Variants in FSTL5 observed in about 807,000 individuals in gnomAD.
FSTL5 encodes follistatin-related protein 5.
Under a neutral mutation model 89.1 loss-of-function variants are expected in FSTL5, and 62 were observed. The observed-to-expected ratio is 0.70, with a 90% CI of 0.57 to 0.86. The LOEUF is 0.86. Ranked by LOEUF, FSTL5 falls within the 40% of genes least tolerant of loss-of-function variation. FSTL5 has a pLI of 0.00. For synonymous variants in FSTL5, 383 were observed against 346.2 expected, an observed-to-expected ratio of 1.11 and a Z score of -1.18; for missense variants, 1,057 against 1,001.6, an observed-to-expected ratio of 1.06 and a Z score of -0.75.
intron 15 of FSTL5, among the ~76,000 whole-genome samples, chr4:161,440,439 A>G (rs1000897826): frequency 6.6e-6 from 1 of 152,138 alleles, no homozygotes; most frequent in Non-Finnish European, 1.5e-5. Flanking sequence ...AGGTCTGTGC[A>G]TAAATTTTGT....
chr4:161,672,632 C>G (rs1335559285), intron 6 of FSTL5, among the ~76,000 whole-genome samples: 1 of 150,542 alleles, frequency 6.6e-6, no homozygotes, highest in African/African-American at 2.4e-5. Flanking sequence ...ACAAATTATC[C>G]TCTCTTTATT....
intron 6 of FSTL5, among the ~76,000 whole-genome samples, chr4:161,732,254 G>A (rs7695403): frequency 0.16 from 23,754 of 151,758 alleles, 1,876 homozygotes; most frequent in Middle Eastern, 0.23. Context: ...AATACATATG[G>A]GTGTTGAGAA....
intron 15 of FSTL5, among the ~76,000 whole-genome samples, chr4:161,419,309 A>G (rs1269687985): frequency 6.6e-6 from 1 of 152,166 alleles, no homozygotes; most frequent in Non-Finnish European, 1.5e-5. Context: ...CATATTTGCC[A>G]AATAGTTGCA....
chr4:161,850,579 T>C (rs898648018), intron 4 of FSTL5, among the ~76,000 whole-genome samples: 4 of 152,118 alleles, frequency 2.6e-5, no homozygotes, highest in African/African-American at 4.8e-5. Context: ...CCAGACACAT[T>C]TGCATGGCTG....
At chr4:161,682,542 A>C (rs1414037360) in intron 6 of FSTL5, among the ~76,000 whole-genome samples, 2 of 152,104 alleles carry the variant, frequency 1.3e-5, no homozygotes, top group Non-Finnish European at 2.9e-5. Context: ...ACTTTTTGTT[A>C]AAAAAGAAGA....
At chr4:161,917,772 T>C (rs1335089897) in intron 4 of FSTL5, among the ~76,000 whole-genome samples, 4 of 152,274 alleles carry the variant, frequency 2.6e-5, no homozygotes, top group African/African-American at 9.6e-5. Flanking sequence ...AGAAGATGTT[T>C]AGCATTTAGA....
At chr4:161,927,710 T>A (rs906070379) in intron 3 of FSTL5, among the ~76,000 whole-genome samples, 1 of 151,832 alleles carries the variant, frequency 6.6e-6, no homozygotes, top group African/African-American at 2.4e-5. Context: ...TCATTAAAAC[T>A]ATTATTTTCA....
At chr4:161,574,612 G>A (rs967550167) in intron 8 of FSTL5, among the ~76,000 whole-genome samples, 30 of 152,080 alleles carry the variant, frequency 2.0e-4, no homozygotes, top group African/African-American at 6.8e-4. Context: ...AACATACGGT[G>A]TTTGGTTTTC....
At chr4:162,009,156 T>C (rs537897194) in intron 3 of FSTL5, among the ~76,000 whole-genome samples, 331 of 152,188 alleles carry the variant, frequency 2.2e-3, no homozygotes, top group African/African-American at 7.6e-3. Flanking sequence ...CCGAAAGCCT[T>C]GTCCACCTTT....
chr4:161,693,702 G>A (rs182769980), intron 6 of FSTL5, among the ~76,000 whole-genome samples: 3 of 146,620 alleles, frequency 2.0e-5, no homozygotes, highest in East Asian at 2.0e-4. Flanking sequence ...GCAGTGGCGC[G>A]ATCTCAGCTC....
intron 4 of FSTL5, among the ~76,000 whole-genome samples, chr4:161,904,819 A>G (rs745715055): frequency 6.6e-6 from 1 of 151,998 alleles, no homozygotes; most frequent in Non-Finnish European, 1.5e-5. Context: ...ATATCAGTGT[A>G]ACATGAATGC....
chr4:161,608,106 G>T (rs1304680815), intron 7 of FSTL5, among the ~76,000 whole-genome samples: 1 of 152,002 alleles, frequency 6.6e-6, no homozygotes, highest in Non-Finnish European at 1.5e-5. Context: ...TGCCCAATGG[G>T]AATTAAAACA....
At chr4:161,544,327 T>C (rs1252574619) in intron 8 of FSTL5, among the ~76,000 whole-genome samples, 1 of 151,984 alleles carries the variant, frequency 6.6e-6, no homozygotes, top group African/African-American at 2.4e-5. Flanking sequence ...CCATGCAATA[T>C]ATGGAGGAAA....
At chr4:161,931,297 C>T (rs977409676) in intron 3 of FSTL5, among the ~76,000 whole-genome samples, 1 of 151,774 alleles carries the variant, frequency 6.6e-6, no homozygotes. Flanking sequence ...AAGAAAACAA[C>T]AGGAGTCAGG....
intron 4 of FSTL5, among the ~76,000 whole-genome samples, chr4:161,806,931 AAAACCATAGT>A (rs371136645): frequency 3.5e-4 from 53 of 152,234 alleles, no homozygotes; most frequent in African/African-American, 1.2e-3. Flanking sequence ...TAGATAGATG[AAAACCATAGT>A]AGACCTATTA....
At chr4:161,572,765 C>G (rs1402218817) in intron 8 of FSTL5, among the ~76,000 whole-genome samples, 1 of 152,228 alleles carries the variant, frequency 6.6e-6, no homozygotes, top group African/African-American at 2.4e-5. Context: ...AAGATGTCTG[C>G]ATCACTGGGT....
chr4:161,975,408 GA>G (rs1735605569), intron 3 of FSTL5, among the ~76,000 whole-genome samples: 1 of 151,816 alleles, frequency 6.6e-6, no homozygotes, highest in African/African-American at 2.4e-5. Flanking sequence ...ATACACCATG[GA>G]ATACTATGCA....
intron 4 of FSTL5, among the ~76,000 whole-genome samples, chr4:161,842,903 A>G (rs1731256464): frequency 1.3e-5 from 2 of 152,242 alleles, no homozygotes; most frequent in African/African-American, 4.8e-5. Context: ...AATTTTTATT[A>G]CCTTAAGGAA....
chr4:161,632,396 CAAAACA>C (rs1326050637), intron 7 of FSTL5, among the ~76,000 whole-genome samples: 1 of 151,868 alleles, frequency 6.6e-6, no homozygotes, highest in Non-Finnish European at 1.5e-5. Flanking sequence ...CAAAACAAAA[CAAAACA>C]AAAAGAGAGA....
Sources: allele counts gnomAD v4.1 joint callset (sites outside exome capture counted in the v4.1 genomes callset), GRCh38; gene constraint gnomAD v4.1.1; transcripts MANE v1.5; gene names NCBI Gene and HGNC (gene_info 2026-07-23, HGNC 2026-07-21).